Variants in NEDD4 observed in about 807,000 individuals in gnomAD.
NEDD4 encodes the protein E3 ubiquitin-protein ligase NEDD4.
A neutral mutation model predicts 144.9 loss-of-function variants in NEDD4; 99 were observed. The ratio of observed to expected loss-of-function variants is 0.68; its 90% CI spans 0.58 to 0.81. NEDD4 has a LOEUF of 0.81. NEDD4 is among the 30% of genes least tolerant of loss of function. The pLI is 0.00. For synonymous variants in NEDD4, 318 were observed against 350.6 expected (o/e 0.91, Z 1.04); for missense variants, 985 against 1,065.9 (o/e 0.92, Z 1.06).
chr15:55,935,292 T>A (rs62045163), intron 4 of NEDD4, among the ~76,000 whole-genome samples: 1 of 152,162 alleles, frequency 6.6e-6, no homozygotes, highest in Admixed American at 6.6e-5. Flanking sequence ...CATAATTTAC[T>A]TACTGCTCCA....
chr15:55,940,476 C>G (rs2036977130), intron 4 of NEDD4, among the ~76,000 whole-genome samples: 1 of 151,520 alleles, frequency 6.6e-6, no homozygotes, highest in African/African-American at 2.4e-5. Flanking sequence ...CCAAAGTAGT[C>G]CTTCCTCCCT....
chr15:55,986,245 G>A (rs1352690182), intron 1 of NEDD4, among the ~76,000 whole-genome samples: 1 of 152,206 alleles, frequency 6.6e-6, no homozygotes, highest in Non-Finnish European at 1.5e-5. Context: ...ATCAATGGAT[G>A]CTAAAACTGA....
In NEDD4 at chr15:55,848,864, G is replaced by T; in HGVS notation, c.1370C>A (p.Pro457Gln). 3 of 1,613,586 alleles carry T rather than the reference G, an allele frequency of 1.9e-6. No individual in the cohort carries two copies. Among genetic ancestry groups the T allele is most frequent in the African/African-American group, 1.3e-5 (1 of 75,004 alleles). Residue 457 changes from proline (P) to glutamine (Q), a missense_variant, in exon 15 of 29, where the codon CCA becomes CAA. Coordinates refer to ENST00000435532, the MANE Select transcript of NEDD4 (RefSeq NM_006154.4). ...TGATGTCTTTCCTCTCAGATGGGCT[G>T]GAATTTTCAATCTTGGATCTTCCTT... Reference protein sequence around the residue: ...TTWEDPRLKIPAHLRGKTSLD... With the variant: ...TTWEDPRLKIQAHLRGKTSLD...
chr15:55,868,258 G>C (rs775903991), intron 8 of NEDD4, among the ~76,000 whole-genome samples: 1 of 152,124 alleles, frequency 6.6e-6, no homozygotes, highest in Non-Finnish European at 1.5e-5. Context: ...TGTTCTTATG[G>C]AGACCTAAGC....
intron 2 of NEDD4, among the ~76,000 whole-genome samples, chr15:55,962,936 G>A (rs753262259): frequency 1.2e-4 from 18 of 150,564 alleles, no homozygotes; most frequent in Non-Finnish European, 2.4e-4. Context: ...ACAGACACGC[G>A]CCACCATACC....
In NEDD4 at chr15:55,827,485, C is replaced by T. The variant is rs2032750406; in HGVS notation, c.*2412G>A. The T allele has an allele frequency of 6.6e-6, 1 of 152,146 alleles. No individual in the cohort carries two copies. The highest frequency in any genetic ancestry group is 2.4e-5 in the African/African-American group (1 of 41,428). 9.4% of individuals were successfully genotyped at this position (152,146 alleles called of 1,614,324 possible). A position where few individuals can be genotyped will look rare whatever the true frequency, so the allele number is the denominator to read the frequency against. ...ATGTTCTATGAGTCACAGAATCATC[C>T]AAATGAGTATCAGCCAGATACAAAG... On this transcript the variant is annotated 3_prime_UTR_variant, in exon 29 of 29. Transcript: ENST00000435532.
Position 55,902,092 on chromosome 15 carries a change from G to A in NEDD4, c.291+22554C>T, listed in dbSNP as rs184638974. ...AGGCTTAGATAAGATGTGGTTAGATGATAAATTCCAAATCTGAACTCTAAT... is the reference window on the plus strand; with the variant it reads ...AGGCTTAGATAAGATGTGGTTAGATAATAAATTCCAAATCTGAACTCTAAT... On this transcript the variant is annotated intron_variant, in intron 5 of 28. Transcript: ENST00000435532. 2.4e-3 allele frequency among the ~76,000 whole-genome samples: 358 copies of A among 152,226 alleles called. 3 individuals are homozygous for A. The highest frequency in any genetic ancestry group is 4.2e-3 in the Non-Finnish European group (288 of 67,976).
chr15:55,935,845 C>CAAA (rs35215537), intron 4 of NEDD4, among the ~76,000 whole-genome samples: 1,484 of 78,216 alleles, frequency 0.019, 43 homozygotes, highest in African/African-American at 0.074. Context: ...GACTCTGTTT[C>CAAA]AAAAAAAAAA....
At chr15:55,877,479 C>G (rs1223771222) in intron 5 of NEDD4, among the ~76,000 whole-genome samples, 1 of 152,198 alleles carries the variant, frequency 6.6e-6, no homozygotes, top group African/African-American at 2.4e-5. Flanking sequence ...ATGGTATTAA[C>G]TTCAATCATT....
chr15:55,976,125 C>G (rs1432854961), intron 1 of NEDD4, among the ~76,000 whole-genome samples: 1 of 152,076 alleles, frequency 6.6e-6, no homozygotes, highest in Non-Finnish European at 1.5e-5. Context: ...ATACAAAAAT[C>G]AAATCAAAAC....
intron 6 of NEDD4, among the ~76,000 whole-genome samples, chr15:55,872,976 T>G (rs919625863): frequency 6.6e-6 from 1 of 151,884 alleles, no homozygotes; most frequent in African/African-American, 2.4e-5. Flanking sequence ...TTAATATAAC[T>G]CACAAGACTG....
chr15:55,973,838 A>C (rs539783274), intron 1 of NEDD4, among the ~76,000 whole-genome samples: 18 of 151,790 alleles, frequency 1.2e-4, no homozygotes, highest in Non-Finnish European at 2.4e-4. Flanking sequence ...AAAACTTCAA[A>C]AAAAAAAACA....
chr15:55,906,746 C>T (rs1483788278), intron 5 of NEDD4, among the ~76,000 whole-genome samples: 2 of 152,034 alleles, frequency 1.3e-5, no homozygotes, highest in Admixed American at 6.6e-5. Context: ...CAAATCTGCA[C>T]ATTGTGCACA....
intron 26 of NEDD4, among the ~76,000 whole-genome samples, chr15:55,833,412 C>A (rs1296019729): frequency 6.6e-6 from 1 of 152,082 alleles, no homozygotes; most frequent in African/African-American, 2.4e-5. Context: ...AATCCCAGCA[C>A]TCTGGGAGGC....
intron 1 of NEDD4, among the ~76,000 whole-genome samples, chr15:55,977,674 G>A (rs934483352): frequency 5.9e-5 from 9 of 151,792 alleles, no homozygotes; most frequent in Non-Finnish European, 1.3e-4. Flanking sequence ...TTGAAAACCA[G>A]AGAGGAAATT....
chr15:55,849,791 ATTTTTTT>A (rs1202773235), intron 14 of NEDD4, among the ~76,000 whole-genome samples: 1 of 145,362 alleles, frequency 6.9e-6, no homozygotes, highest in Non-Finnish European at 1.5e-5. Context: ...ATTTTAAGTA[ATTTTTTT>A]TTTTTTTTTT....
chr15:55,896,850 T>C (rs374842608), intron 5 of NEDD4, among the ~76,000 whole-genome samples: 10 of 152,116 alleles, frequency 6.6e-5, no homozygotes, highest in Admixed American at 2.0e-4. Context: ...CTTACCTTTA[T>C]AGTTTTAACA....
intron 19 of NEDD4, 55 bp from the exon 20 acceptor site, chr15:55,840,782 T>C (rs1282581662): frequency 7.3e-6 from 11 of 1,510,142 alleles, no homozygotes; most frequent in Non-Finnish European, 1.0e-5. Context: ...ATATGACAAA[T>C]AATTACAAAT....
chr15:55,838,752 GTA>G, intron 21 of NEDD4, 148 bp from the exon 22 acceptor site: 1 of 539,858 alleles, frequency 1.9e-6, no homozygotes, highest in Non-Finnish European at 3.3e-6. Flanking sequence ...AAACAAAAAT[GTA>G]TGTGTGTATG....
Sources: allele counts gnomAD v4.1 joint callset (sites outside exome capture counted in the v4.1 genomes callset), GRCh38; gene constraint gnomAD v4.1.1; transcripts MANE v1.5; gene names NCBI Gene and HGNC (gene_info 2026-07-23, HGNC 2026-07-21).